Variants in EGF observed in about 807,000 individuals in gnomAD.
The protein encoded by EGF is epidermal growth factor.
EGF carries 95 observed loss-of-function variants against 143.8 expected under a neutral mutation model. The ratio of observed to expected loss-of-function variants is 0.66; its 90% CI spans 0.56 to 0.78. The LOEUF (loss-of-function observed/expected upper bound fraction) is 0.78. Ranked by LOEUF, EGF falls within the 30% of genes least tolerant of loss-of-function variation. The probability of loss-of-function intolerance (pLI) is 0.00; values close to 1 mark genes in which losing one functional copy is unlikely to be tolerated. For synonymous variants in EGF, 510 were observed against 510.5 expected (o/e 1.00, Z 0.01); for missense variants, 1,320 against 1,470.9 (o/e 0.90, Z 1.68).
intron 11 of EGF, among the ~76,000 whole-genome samples, chr4:109,970,384 CA>C (rs1401478617): frequency 6.6e-6 from 1 of 152,048 alleles, no homozygotes; most frequent in Non-Finnish European, 1.5e-5. Flanking sequence ...CATCTGGTAC[CA>C]AAGCAACCAA....
chr4:109,984,105 A>G (rs1361441072), intron 16 of EGF, among the ~76,000 whole-genome samples: 4 of 152,216 alleles, frequency 2.6e-5, no homozygotes, highest in Non-Finnish European at 5.9e-5. Flanking sequence ...TGGTTTTTCC[A>G]GCTGGGTTCA....
At chr4:109,954,096 T>G (rs1560683491) in intron 5 of EGF, among the ~76,000 whole-genome samples, 2 of 152,158 alleles carry the variant, frequency 1.3e-5, no homozygotes, top group South Asian at 2.1e-4. Context: ...CTGTCACCCA[T>G]GCTGGAGTGC....
rs758470342 is a variant in EGF, at chr4:109,945,173, A to G, written c.838A>G (p.Met280Val). The G allele has an allele frequency of 5.0e-6, 8 of 1,614,092 alleles. 1 individual carries two copies. The highest frequency in any genetic ancestry group is 4.4e-5 in the South Asian group (4 of 91,084). The part of the protein sequence containing the change: ...WIANKHTGKD[M>V]VRINLHSSFV... Reference sequence around the variant, plus strand: ...AGCCAACAAACACACTGGAAAGGACATGGTTAGAATTAACCTCCATTCATC... The same window carrying G: ...AGCCAACAAACACACTGGAAAGGACGTGGTTAGAATTAACCTCCATTCATC... The change falls in exon 5 of 24, where the codon ATG (methionine) becomes GTG (valine). Residue 280 changes from methionine to valine, a missense_variant. Around this residue, in one of 5 missense-constraint regions of EGF, gnomAD observed 1,186 missense variants for 1,313.7 expected, o/e 0.90. Coordinates refer to ENST00000265171, the MANE Select transcript of EGF (RefSeq NM_001963.6).
chr4:109,946,884 C>T (rs967630935), intron 5 of EGF, among the ~76,000 whole-genome samples: 1 of 151,944 alleles, frequency 6.6e-6, no homozygotes, highest in African/African-American at 2.4e-5. Flanking sequence ...TTTGGGAGGC[C>T]GAGGTAGATA....
intron 11 of EGF, among the ~76,000 whole-genome samples, chr4:109,971,126 G>A (rs1187734066): frequency 6.6e-6 from 1 of 152,020 alleles, no homozygotes; most frequent in East Asian, 1.9e-4. Flanking sequence ...ACTTTCCCAA[G>A]GTCAAGCAGT....
intron 5 of EGF, among the ~76,000 whole-genome samples, chr4:109,950,276 T>C (rs1743646326): frequency 6.6e-6 from 1 of 152,154 alleles, no homozygotes; most frequent in Non-Finnish European, 1.5e-5. Flanking sequence ...GCCCAATGAA[T>C]GGCATCACTC....
chr4:109,991,820 A>G (rs750213771), intron 18 of EGF, among the ~76,000 whole-genome samples: 2 of 152,136 alleles, frequency 1.3e-5, no homozygotes, highest in African/African-American at 2.4e-5. Flanking sequence ...TTTCCTTCAA[A>G]GCAGGAAGAA....
chr4:109,949,919 G>C (rs1215666211), intron 5 of EGF, among the ~76,000 whole-genome samples: 1 of 152,180 alleles, frequency 6.6e-6, no homozygotes, highest in Non-Finnish European at 1.5e-5. Context: ...TCATGCTGCA[G>C]ATATGTCTGC....
intron 5 of EGF, among the ~76,000 whole-genome samples, chr4:109,958,726 G>A (rs1322055435): frequency 1.3e-5 from 2 of 151,754 alleles, no homozygotes; most frequent in Non-Finnish European, 1.5e-5. Flanking sequence ...GTAGGAGTTC[G>A]AGACCAGCCT....
intron 18 of EGF, among the ~76,000 whole-genome samples, chr4:109,991,175 T>C (rs151164818): frequency 2.0e-4 from 30 of 152,192 alleles, no homozygotes; most frequent in African/African-American, 7.2e-4. Flanking sequence ...ATTTTAGCAA[T>C]AATATTTTAT....
chr4:109,980,897 T>A lies in EGF; in HGVS notation c.2293T>A (p.Cys765Ser). 1 of 1,614,096 alleles carries A rather than the reference T, an allele frequency of 6.2e-7. No homozygotes were observed. The highest frequency in any genetic ancestry group is 8.5e-7 in the Non-Finnish European group (1 of 1,179,984). Residue 765 changes from cysteine to serine, a missense_variant, in exon 15 of 24, where the codon TGT becomes AGT. By Grantham distance (112) the Cys-to-Ser change is moderately radical (BLOSUM62 -1). Around this residue, in one of 5 missense-constraint regions of EGF, gnomAD observed 1,186 missense variants for 1,313.7 expected, o/e 0.90. Coordinates refer to ENST00000265171, the MANE Select transcript of EGF (RefSeq NM_001963.6). ...ICKKRLGTAW[C>S]SCREGFMKAS... ...CAAAAAGAGGCTTGGAACTGCTTGG[T>A]GTTCGTGTCGTGAAGGTTTTATGAA...
At chr4:109,940,815 G>A in intron 1 of EGF, 131 bp from the exon 2 acceptor site, 2 of 916,856 alleles carry the variant, frequency 2.2e-6, no homozygotes, top group East Asian at 5.2e-5. Context: ...TCTATAAATA[G>A]ACTTTATTTT....
chr4:109,937,449 G>A (rs1741045259), intron 1 of EGF, among the ~76,000 whole-genome samples: 1 of 151,520 alleles, frequency 6.6e-6, no homozygotes, highest in Non-Finnish European at 1.5e-5. Context: ...CATGAGATGG[G>A]CCTCCTGAAA....
chr4:109,977,176 G>C (rs1240014936), intron 13 of EGF: 4 of 152,148 alleles, frequency 2.6e-5, no homozygotes, highest in African/African-American at 4.8e-5. Flanking sequence ...GAAAATGAGA[G>C]CCAGGGAAGT....
intron 14 of EGF, 50 bp downstream of exon 14, chr4:109,980,189 T>G (rs745390497): frequency 9.8e-6 from 15 of 1,535,662 alleles, no homozygotes; most frequent in Non-Finnish European, 1.3e-5. Flanking sequence ...AATCTGCAAC[T>G]GTTTTAATTG....
chr4:109,981,040 C>T lies in EGF; in HGVS notation c.2371+65C>T. 9 of 1,595,246 alleles carry T rather than the reference C, an allele frequency of 5.6e-6. 1 individual carries two copies. The South Asian group carries it at 9.9e-5, about 18-fold the overall frequency. Reference sequence around the variant, plus strand: ...CTCAGAAATACAGCTGTACATCAATCTTTATGCTTTTGCTGATTTTGAATA... The same window carrying T: ...CTCAGAAATACAGCTGTACATCAATTTTTATGCTTTTGCTGATTTTGAATA... On this transcript the variant is annotated intron_variant, in intron 15 of 23. Transcript: ENST00000265171.
intron 1 of EGF, among the ~76,000 whole-genome samples, chr4:109,923,200 T>A (rs754748669): frequency 3.3e-5 from 5 of 151,564 alleles, no homozygotes; most frequent in Admixed American, 2.6e-4. Flanking sequence ...GCTGTACCTA[T>A]AGGTATATAT....
At chr4:109,969,183 G>A (rs1747166794) in intron 11 of EGF, 64 bp downstream of exon 11, 1 of 1,604,468 alleles carries the variant, frequency 6.2e-7, no homozygotes, top group Non-Finnish European at 8.5e-7. Flanking sequence ...TAATACTATT[G>A]GCTTCATCTT....
intron 13 of EGF, among the ~76,000 whole-genome samples, chr4:109,978,864 A>G (rs1042073905): frequency 1.3e-5 from 2 of 152,206 alleles, no homozygotes; most frequent in African/African-American, 4.8e-5. Context: ...ATAAGTGGAG[A>G]CTCATTGTAA....
Sources: gnomAD v4.1 joint callset for allele counts (sites outside exome capture counted in the v4.1 genomes callset) on GRCh38, gnomAD v4.1.1 for gene constraint, gnomAD v4.1.1 regional missense constraint, MANE v1.5 for transcripts, NCBI Gene and HGNC (gene_info 2026-07-23, HGNC 2026-07-21) for gene names.